Variants in LIPH observed in about 807,000 individuals in gnomAD.
LIPH encodes lipase member H.
In LIPH, 32 loss-of-function variants were observed where a neutral mutation model predicts 47.6. The ratio of observed to expected loss-of-function variants is 0.67; its 90% confidence interval spans 0.51 to 0.90. LIPH has a LOEUF of 0.90. Ranked by LOEUF, LIPH falls within the 40% of genes least tolerant of loss-of-function variation. LIPH has a pLI of 0.00. For missense variants in LIPH, 497 were observed against 541.4 expected (o/e 0.92, Z 0.81); for synonymous variants, 190 against 195.6 (o/e 0.97, Z 0.24).
At chr3:185,522,504 G>A (rs1311598254) in intron 5 of LIPH, among the ~76,000 whole-genome samples, 1 of 150,096 alleles carries the variant, frequency 6.7e-6, no homozygotes, top group East Asian at 2.0e-4. Context: ...GAAAAGGAAG[G>A]AAGGAGGGAA....
At chr3:185,519,118 G>A in intron 6 of LIPH, 24 bp downstream of exon 6, 1 of 1,604,826 alleles carries the variant, frequency 6.2e-7, no homozygotes, top group Non-Finnish European at 8.5e-7. Flanking sequence ...GTGAATCAGA[G>A]AGGAAACTGC....
intron 4 of LIPH, among the ~76,000 whole-genome samples, chr3:185,526,345 A>G (rs1187654967): frequency 6.6e-6 from 1 of 151,952 alleles, no homozygotes; most frequent in Non-Finnish European, 1.5e-5. Context: ...ACATAGTGAA[A>G]CCCTGTCTCT....
At chr3:185,511,895 A>C (rs769164987) in intron 8 of LIPH, among the ~76,000 whole-genome samples, 198 bp from the exon 9 acceptor site, 1 of 149,994 alleles carries the variant, frequency 6.7e-6, no homozygotes, top group Non-Finnish European at 1.5e-5. Flanking sequence ...CCCAAGAACT[A>C]GTCAACTTTG....
chr3:185,528,323 G>GAAGAAGAAAGAAAGAAAGAAAGA, intron 3 of LIPH, among the ~76,000 whole-genome samples: 1 of 125,604 alleles, frequency 8.0e-6, no homozygotes, highest in Non-Finnish European at 1.6e-5. Flanking sequence ...AAGAAAGAAA[G>GAAGAAGAAAGAAAGAAAGAAAGA]AAGAAAGAAA....
rs183782701 is a variant in LIPH, at chr3:185,541,558, C to G, written c.50-6426G>C. ...TGTGTGAGACTACAGGTGAGTGCCA[C>G]CACACCAGGCTATTTTTTTTGAATT... On this transcript the variant is annotated intron_variant, in intron 1 of 9. Coordinates refer to ENST00000296252, the MANE Select transcript of LIPH (RefSeq NM_139248.3). Among the ~76,000 whole-genome samples, 7 of 151,886 alleles carry G rather than the reference C, an allele frequency of 4.6e-5. No individual in the cohort carries two copies. The East Asian group carries it at 1.4e-3, about 29-fold the overall frequency.
chr3:185,543,067 G>A (rs556860404), intron 1 of LIPH, among the ~76,000 whole-genome samples: 1 of 152,034 alleles, frequency 6.6e-6, no homozygotes, highest in Non-Finnish European at 1.5e-5. Flanking sequence ...AAATTAGCTA[G>A]GCATGGTTGT....
intron 9 of LIPH, among the ~76,000 whole-genome samples, chr3:185,511,283 T>G (rs553622140): frequency 6.6e-6 from 1 of 151,930 alleles, no homozygotes; most frequent in South Asian, 2.1e-4. Context: ...CCAGGCTGGC[T>G]AGAACTCCTG....
At chr3:185,547,293 A>T (rs1720906235) in intron 1 of LIPH, among the ~76,000 whole-genome samples, 1 of 152,200 alleles carries the variant, frequency 6.6e-6, no homozygotes, top group East Asian at 1.9e-4. Context: ...ACAGAATTTC[A>T]TGTCAATTTC....
At position 185,518,135 on chromosome 3, in the gene LIPH, C is replaced by T. The variant is rs574189199; in HGVS notation, c.887-973G>A. The stretch of plus-strand genomic sequence containing the variant: ...TTCCTGTCCCCACAGGAGCAGGCTA[C>T]GTAGAGTGACTGTACCCTGGGTAAG... On this transcript the variant is annotated intron_variant, in intron 6 of 9. Coordinates refer to ENST00000296252, the MANE Select transcript of LIPH (RefSeq NM_139248.3). 3.9e-5 allele frequency among the ~76,000 whole-genome samples: 6 copies of T among 152,278 alleles called. No homozygotes were observed. The South Asian group carries it at 6.2e-4, about 16-fold the overall frequency.
Position 185,511,509 on chromosome 3 carries a change from G to A in LIPH, c.1268+15C>T, listed in dbSNP as rs372092501. The stretch of plus-strand genomic sequence containing the variant: ...TTGGAAAACAGCGTTTTGTCAAACC[G>A]TACCCTCAGCTCACCTCTCCGGATG... On this transcript the variant is annotated intron_variant, in intron 9 of 9. Coordinates refer to ENST00000296252, the MANE Select transcript of LIPH (RefSeq NM_139248.3). 166 of 1,613,438 alleles carry A rather than the reference G, an allele frequency of 1.0e-4. 2 individuals are homozygous for A. In the East Asian group the frequency reaches 1.5e-3, roughly 15 times the overall value.
At chr3:185,536,954 G>A (rs1031304415) in intron 1 of LIPH, among the ~76,000 whole-genome samples, 6 of 152,126 alleles carry the variant, frequency 3.9e-5, no homozygotes, top group South Asian at 4.2e-4. Flanking sequence ...GTGCAATCTC[G>A]GCTCACTGCA....
At chr3:185,525,440 A>G (rs192541051) in intron 4 of LIPH, among the ~76,000 whole-genome samples, 343 of 152,276 alleles carry the variant, frequency 2.3e-3, no homozygotes, top group African/African-American at 7.0e-3. Flanking sequence ...TAGGTGTTTC[A>G]CAATGCAAAG....
intron 4 of LIPH, among the ~76,000 whole-genome samples, chr3:185,526,722 AAAAT>A (rs1720117223): frequency 6.8e-6 from 1 of 147,824 alleles, no homozygotes; most frequent in Admixed American, 6.8e-5. Flanking sequence ...AAAATAAAAT[AAAAT>A]AAAAATAAAG....
intron 1 of LIPH, 45 bp downstream of exon 1, chr3:185,552,378 T>C (rs1362807242): frequency 7.5e-7 from 1 of 1,329,332 alleles, no homozygotes; most frequent in South Asian, 1.2e-5. Flanking sequence ...CACAACTAAT[T>C]CTATTTTTTA....
intron 1 of LIPH, among the ~76,000 whole-genome samples, chr3:185,540,278 G>C (rs1222167077): frequency 6.6e-6 from 1 of 152,122 alleles, no homozygotes; most frequent in Non-Finnish European, 1.5e-5. Flanking sequence ...TGCCTTCTAG[G>C]TTCACTATCT....
At position 185,521,800 on chromosome 3, in the gene LIPH, T is replaced by G. The variant is rs9846500; in HGVS notation, c.718+2271A>C. On this transcript the variant is annotated intron_variant, in intron 5 of 9. Coordinates refer to ENST00000296252, the MANE Select transcript of LIPH (RefSeq NM_139248.3). ...CCACACAGATGAGACAGTGACTATTTCATTAAGCTAACTGCAATTAATGTA... is the reference window on the plus strand; with the variant it reads ...CCACACAGATGAGACAGTGACTATTGCATTAAGCTAACTGCAATTAATGTA... Among the ~76,000 whole-genome samples the G allele has an allele frequency of 9.0e-3, 1,365 of 152,306 alleles. 24 individuals are homozygous for G. The highest frequency in any genetic ancestry group is 0.031 in the African/African-American group (1,271 of 41,574).
intron 1 of LIPH, among the ~76,000 whole-genome samples, chr3:185,540,977 G>T (rs1206352725): frequency 6.6e-6 from 1 of 152,152 alleles, no homozygotes; most frequent in Non-Finnish European, 1.5e-5. Flanking sequence ...GCTCTTTCCT[G>T]ACTCTACTCT....
chr3:185,510,505 A>G (rs1273097026), intron 9 of LIPH, among the ~76,000 whole-genome samples: 1 of 152,010 alleles, frequency 6.6e-6, no homozygotes, highest in Non-Finnish European at 1.5e-5. Flanking sequence ...TAGATTGTTT[A>G]CTCCTTAATA....
chr3:185,549,257 T>C (rs1176314703), intron 1 of LIPH, among the ~76,000 whole-genome samples: 1 of 152,262 alleles, frequency 6.6e-6, no homozygotes, highest in African/African-American at 2.4e-5. Flanking sequence ...TGTGTTTCTT[T>C]AGGATGCAAC....
Sources: gnomAD v4.1 joint callset for allele counts (sites outside exome capture counted in the v4.1 genomes callset) on GRCh38, gnomAD v4.1.1 for gene constraint, MANE v1.5 for transcripts, NCBI Gene and HGNC (gene_info 2026-07-23, HGNC 2026-07-21) for gene names.